FHIT: variants seen among roughly 807,000 people sequenced by gnomAD.
FHIT encodes fragile histidine triad diadenosine triphosphatase, also known as bis(5'-adenosyl)-triphosphatase.
In FHIT, 19 loss-of-function variants were observed where a neutral mutation model predicts 17.9. The ratio of observed to expected loss-of-function variants is 1.06; its 90% CI spans 0.74 to 1.56. The LOEUF (loss-of-function observed/expected upper bound fraction) is 1.56. Among genes scored for constraint, FHIT ranks in the 40% most tolerant of loss-of-function variants. The pLI is 0.00. For missense variants in FHIT, 248 were observed against 189.2 expected, an observed-to-expected ratio of 1.31 and a Z score of -1.82; for synonymous variants, 81 against 69.7, an observed-to-expected ratio of 1.16 and a Z score of -0.81.
intron 5 of FHIT, among the ~76,000 whole-genome samples, chr3:60,160,124 ATGTGTG>A (rs10565469): frequency 6.6e-6 from 1 of 151,018 alleles, no homozygotes; most frequent in Admixed American, 6.6e-5. Context: ...TTCTGTGCTT[ATGTGTG>A]TGTGTGTGTG....
intron 4 of FHIT, among the ~76,000 whole-genome samples, chr3:60,725,919 T>C (rs1559673295): frequency 6.6e-6 from 1 of 152,076 alleles, no homozygotes; most frequent in Non-Finnish European, 1.5e-5. Flanking sequence ...ATGATGATAT[T>C]AAGGCTCACT....
At chr3:60,322,238 T>TAA in intron 5 of FHIT, among the ~76,000 whole-genome samples, 1 of 152,200 alleles carries the variant, frequency 6.6e-6, no homozygotes, top group Non-Finnish European at 1.5e-5. Context: ...ATATTAGCAC[T>TAA]AAAATGTCTC....
At chr3:60,950,919 C>T (rs1708858326) in intron 3 of FHIT, among the ~76,000 whole-genome samples, 2 of 152,054 alleles carry the variant, frequency 1.3e-5, no homozygotes, top group Non-Finnish European at 1.5e-5. Flanking sequence ...CTAAACATAA[C>T]GTCTGGAGGA....
At chr3:59,795,513 G>T (rs1015649803) in intron 8 of FHIT, among the ~76,000 whole-genome samples, 2 of 151,872 alleles carry the variant, frequency 1.3e-5, no homozygotes, top group Non-Finnish European at 2.9e-5. Context: ...GTGTGATAAG[G>T]ATTTAGGTAA....
intron 3 of FHIT, among the ~76,000 whole-genome samples, chr3:60,897,343 C>T (rs1553762181): frequency 1.3e-5 from 2 of 152,056 alleles, no homozygotes; most frequent in Non-Finnish European, 2.9e-5. Flanking sequence ...TCTCTTTAGT[C>T]TCCTCAACGT....
intron 4 of FHIT, among the ~76,000 whole-genome samples, chr3:60,567,004 G>T (rs575750665): frequency 6.8e-6 from 1 of 146,994 alleles, no homozygotes; most frequent in Non-Finnish European, 1.5e-5. Flanking sequence ...TGGGTAGGAA[G>T]AATCAATATC....
chr3:60,375,614 C>A (rs1243611135), intron 5 of FHIT, among the ~76,000 whole-genome samples: 1 of 152,008 alleles, frequency 6.6e-6, no homozygotes, highest in Non-Finnish European at 1.5e-5. Context: ...TACTACTATA[C>A]CATTTTAAAG....
At chr3:60,659,054 T>C (rs1308421491) in intron 4 of FHIT, among the ~76,000 whole-genome samples, 1 of 151,906 alleles carries the variant, frequency 6.6e-6, no homozygotes, top group African/African-American at 2.4e-5. Flanking sequence ...TGGCAGTTTT[T>C]TTTGTTTTGT....
At chr3:61,126,022 C>T (rs1037444963) in intron 2 of FHIT, among the ~76,000 whole-genome samples, 6 of 152,146 alleles carry the variant, frequency 3.9e-5, no homozygotes, top group African/African-American at 1.2e-4. Flanking sequence ...CAGTGCTTAG[C>T]TAAGTCTTGT....
intron 4 of FHIT, among the ~76,000 whole-genome samples, chr3:60,744,300 GA>G (rs2042313109): frequency 2.1e-4 from 19 of 88,890 alleles, no homozygotes; most frequent in Admixed American, 5.8e-4. Flanking sequence ...GAAAAGAAAA[GA>G]AAAAAACCTA....
intron 8 of FHIT, among the ~76,000 whole-genome samples, chr3:59,889,512 C>A (rs1183789053): frequency 6.6e-6 from 1 of 152,188 alleles, no homozygotes; most frequent in East Asian, 1.9e-4. Flanking sequence ...TGGTCTCTGA[C>A]TCACTAGGCA....
At chr3:60,914,943 T>C (rs1706926588) in intron 3 of FHIT, among the ~76,000 whole-genome samples, 1 of 152,140 alleles carries the variant, frequency 6.6e-6, no homozygotes, top group African/African-American at 2.4e-5. Context: ...AAAATAAAAA[T>C]GGAATGAAAG....
At chr3:60,634,131 C>T (rs1479732485) in intron 4 of FHIT, among the ~76,000 whole-genome samples, 2 of 152,196 alleles carry the variant, frequency 1.3e-5, no homozygotes, top group Non-Finnish European at 2.9e-5. Flanking sequence ...CTCTGAGCTT[C>T]ACTTTCCTCA....
chr3:61,125,023 T>G (rs571017677), intron 2 of FHIT, among the ~76,000 whole-genome samples: 1 of 152,178 alleles, frequency 6.6e-6, no homozygotes, highest in Non-Finnish European at 1.5e-5. Flanking sequence ...TCACTAAGTA[T>G]ACCAAATCAT....
chr3:60,894,883 T>C (rs1345237191), intron 3 of FHIT, among the ~76,000 whole-genome samples: 1 of 152,182 alleles, frequency 6.6e-6, no homozygotes, highest in Non-Finnish European at 1.5e-5. Context: ...AAGTGGTTTT[T>C]GCTAAACCAT....
At chr3:60,941,074 T>C (rs1197540094) in intron 3 of FHIT, among the ~76,000 whole-genome samples, 52 of 152,300 alleles carry the variant, frequency 3.4e-4, no homozygotes, top group African/African-American at 1.2e-3. Context: ...CAATATGTAA[T>C]CAGTATACAA....
At chr3:60,250,820 C>T (rs944191352) in intron 5 of FHIT, among the ~76,000 whole-genome samples, 4 of 152,130 alleles carry the variant, frequency 2.6e-5, no homozygotes, top group African/African-American at 9.7e-5. Context: ...CTTGGTTTTG[C>T]TGCCTGCTAA....
Position 60,303,120 on chromosome 3 carries a change from A to G in FHIT, c.103+233740T>C, listed in dbSNP as rs9829103. 8.3e-3 allele frequency among the ~76,000 whole-genome samples: 1,257 copies of G among 152,290 alleles called. 18 individuals carry two copies. Among genetic ancestry groups the G allele is most frequent in the African/African-American group, 0.029 (1,187 of 41,568 alleles). ...AGACTGACAACTGCCAAACCTGGAA[A>G]CCACTTTCTCCCACATCAAACACAC... is the stretch of plus-strand genomic sequence containing the variant. On this transcript the variant is annotated intron_variant, in intron 5 of 9. Coordinates refer to ENST00000492590, the MANE Select transcript of FHIT (RefSeq NM_002012.4).
intron 4 of FHIT, among the ~76,000 whole-genome samples, chr3:60,659,239 T>TTG (rs1420146507): frequency 6.6e-6 from 1 of 152,116 alleles, no homozygotes; most frequent in Non-Finnish European, 1.5e-5. Context: ...ATACTGTGTC[T>TTG]TGTGTCTTGG....
Sources: gnomAD v4.1 joint callset for allele counts (sites outside exome capture counted in the v4.1 genomes callset) on GRCh38, gnomAD v4.1.1 for gene constraint, MANE v1.5 for transcripts, NCBI Gene and HGNC (gene_info 2026-07-23, HGNC 2026-07-21) for gene names.